PRKN: variants seen among roughly 807,000 people sequenced by gnomAD.
PRKN encodes the protein E3 ubiquitin-protein ligase parkin.
A neutral mutation model predicts 59.5 loss-of-function variants in PRKN; 56 were observed. That is an observed-to-expected ratio of 0.94 (90% CI 0.76 to 1.18). The LOEUF (loss-of-function observed/expected upper bound fraction) is 1.18. PRKN is among the 50% of genes most tolerant of loss of function. The pLI, the probability that PRKN is intolerant of heterozygous loss-of-function variation, is 0.00. For synonymous variants in PRKN, 250 were observed against 222.1 expected, an observed-to-expected ratio of 1.13 and a Z score of -1.12; for missense variants, 657 against 596.4, an observed-to-expected ratio of 1.10 and a Z score of -1.06.
intron 1 of PRKN, among the ~76,000 whole-genome samples, chr6:162,650,326 G>A (rs1269526164): frequency 1.3e-5 from 2 of 151,894 alleles, no homozygotes; most frequent in Non-Finnish European, 2.9e-5. Context: ...GGCCGGGCGC[G>A]GTGGCTCACG....
At chr6:161,728,933 T>C (rs953024681) in intron 7 of PRKN, among the ~76,000 whole-genome samples, 8 of 152,234 alleles carry the variant, frequency 5.3e-5, no homozygotes, top group Non-Finnish European at 7.3e-5. Flanking sequence ...GGAAAAGTAA[T>C]CATGGCATTC....
intron 6 of PRKN, among the ~76,000 whole-genome samples, chr6:161,885,190 A>T (rs1165034553): frequency 1.3e-5 from 2 of 151,956 alleles, no homozygotes; most frequent in Non-Finnish European, 2.9e-5. Flanking sequence ...GGACCTACTG[A>T]ATCTGAACCT....
In PRKN at chr6:161,421,895, A is replaced by G. The variant is rs558405694; in HGVS notation, c.1084-35018T>C. On this transcript the variant is annotated intron_variant, in intron 9 of 11. Coordinates refer to ENST00000366898, the MANE Select transcript of PRKN (RefSeq NM_004562.3). ...AATTCTTGGTATATTCTTCAGCAAC[A>G]GAGTGGCTATGATAATGGAAAAAGG... Among the ~76,000 whole-genome samples the G allele has an allele frequency of 2.0e-5, 3 of 152,342 alleles. No homozygotes were observed. In the South Asian group the frequency reaches 6.2e-4, roughly 32 times the overall value.
rs1176967470 is a variant in PRKN at position 161,363,605 on chromosome 6, AAG to A, written c.1168-3402_1168-3401del. 4.7e-4 allele frequency among the ~76,000 whole-genome samples: 71 copies of A among 152,216 alleles called. 1 individual carries two copies. The highest frequency in any genetic ancestry group is 1.5e-3 in the Admixed American group (23 of 15,280). On this transcript the variant is annotated intron_variant, in intron 10 of 11. Transcript: ENST00000366898. This position sits in a 1 kb window ranked among gnomAD's most constrained non-coding sequence, Gnocchi z 4.1. ...AGTAGAGTTCTGGAAGGAGATAACA[AAG>A]AGCATGAGAGAGAAACAGTGTTTGG...
At chr6:162,503,620 T>G (rs1793476834) in intron 1 of PRKN, among the ~76,000 whole-genome samples, 1 of 152,228 alleles carries the variant, frequency 6.6e-6, no homozygotes, top group South Asian at 2.1e-4. Flanking sequence ...GAAGATAGTT[T>G]AGTATTTAAA....
chr6:161,631,422 G>A (rs1455514415), intron 7 of PRKN, among the ~76,000 whole-genome samples: 1 of 152,214 alleles, frequency 6.6e-6, no homozygotes, highest in East Asian at 1.9e-4. Flanking sequence ...GACAGGAGAA[G>A]AGTAGCTTTG....
intron 6 of PRKN, among the ~76,000 whole-genome samples, chr6:161,825,525 C>G (rs1792207536): frequency 6.6e-6 from 1 of 152,148 alleles, no homozygotes; most frequent in African/African-American, 2.4e-5. Flanking sequence ...GTCAAACTCT[C>G]AAGAGATTTA....
intron 7 of PRKN, among the ~76,000 whole-genome samples, chr6:161,648,211 C>T (rs1784026644): frequency 1.3e-5 from 2 of 152,170 alleles, no homozygotes; most frequent in South Asian, 4.1e-4. Context: ...TTTTTTTAAA[C>T]TCACACAGAT....
At chr6:162,394,956 C>A (rs1787398210) in intron 2 of PRKN, among the ~76,000 whole-genome samples, 1 of 152,224 alleles carries the variant, frequency 6.6e-6, no homozygotes, top group South Asian at 2.1e-4. Flanking sequence ...TGAATGAAAG[C>A]CAGGGGTTGT....
At chr6:162,524,902 T>C (rs1446970136) in intron 1 of PRKN, among the ~76,000 whole-genome samples, 1 of 152,158 alleles carries the variant, frequency 6.6e-6, no homozygotes, top group Admixed American at 6.5e-5. Context: ...AAGTCAAAAC[T>C]ATGTGATGTA....
At chr6:162,148,986 A>G (rs930505229) in intron 4 of PRKN, among the ~76,000 whole-genome samples, 3 of 152,140 alleles carry the variant, frequency 2.0e-5, no homozygotes, top group African/African-American at 7.2e-5. Context: ...CGGGACAAAC[A>G]GATTCTTCTC....
intron 6 of PRKN, among the ~76,000 whole-genome samples, chr6:161,803,875 C>T (rs894991967): frequency 6.6e-6 from 1 of 152,176 alleles, no homozygotes; most frequent in African/African-American, 2.4e-5. Flanking sequence ...TCCGAACCCC[C>T]ACCAAAGTGA....
At chr6:162,202,160 TG>T (rs776004576) in intron 3 of PRKN, among the ~76,000 whole-genome samples, 4 of 152,180 alleles carry the variant, frequency 2.6e-5, no homozygotes, top group Non-Finnish European at 5.9e-5. Context: ...AAAGTTTCTT[TG>T]AAATTTTACT....
At chr6:162,331,338 C>G (rs1298914326) in intron 2 of PRKN, among the ~76,000 whole-genome samples, 1 of 152,110 alleles carries the variant, frequency 6.6e-6, no homozygotes, top group Non-Finnish European at 1.5e-5. Flanking sequence ...ACCATCAATC[C>G]TAAACAGTGG....
At chr6:161,438,671 G>C in intron 9 of PRKN, among the ~76,000 whole-genome samples, 1 of 152,286 alleles carries the variant, frequency 6.6e-6, no homozygotes, top group Middle Eastern at 3.4e-3. Context: ...TGGAAACCGA[G>C]AGAGAGAAGA....
intron 2 of PRKN, among the ~76,000 whole-genome samples, chr6:162,263,931 T>C (rs1026724055): frequency 2.8e-5 from 4 of 144,710 alleles, no homozygotes; most frequent in African/African-American, 1.0e-4. Flanking sequence ...AAGCAGTTAC[T>C]CATATGCTTG....
intron 2 of PRKN, among the ~76,000 whole-genome samples, chr6:162,327,179 G>C (rs954038602): frequency 6.6e-6 from 1 of 152,074 alleles, no homozygotes; most frequent in Non-Finnish European, 1.5e-5. Context: ...TGGAAAATGA[G>C]TGCCATTTCT....
At chr6:161,632,682 A>C (rs115617431) in intron 7 of PRKN, among the ~76,000 whole-genome samples, 5,117 of 152,282 alleles carry the variant, frequency 0.034, 150 homozygotes, top group South Asian at 0.086. Flanking sequence ...AAAGAGATTT[A>C]ATTTATTCAC....
chr6:161,368,499 G>A (rs1300560109), intron 10 of PRKN, among the ~76,000 whole-genome samples: 6 of 149,904 alleles, frequency 4.0e-5, no homozygotes, highest in Non-Finnish European at 5.9e-5. Flanking sequence ...AGATTGCACC[G>A]AGCCGAGCTG....
Sources: gnomAD v4.1 joint callset for allele counts (sites outside exome capture counted in the v4.1 genomes callset) on GRCh38, gnomAD v4.1.1 for gene constraint, Gnocchi (gnomAD v3.1) non-coding constraint, MANE v1.5 for transcripts, NCBI Gene and HGNC (gene_info 2026-07-23, HGNC 2026-07-21) for gene names.